The following DAZL variants were observed in gnomAD, a reference collection of about 807,000 sequenced individuals.
DAZL encodes deleted in azoospermia-like.
Under a neutral mutation model 45.0 loss-of-function variants are expected in DAZL, and 4 were observed. The observed-to-expected ratio is 0.09, with a 90% CI of 0.04 to 0.20. DAZL has a LOEUF of 0.20. DAZL is among the 10% of genes least tolerant of loss of function. DAZL has a pLI of 1.00. For synonymous variants in DAZL, 122 were observed against 112.4 expected, an observed-to-expected ratio of 1.09 and a Z score of -0.54; for missense variants, 326 against 351.3, an observed-to-expected ratio of 0.93 and a Z score of 0.58.
intron 10 of DAZL, among the ~76,000 whole-genome samples, chr3:16,590,171 C>G (rs1030269447): frequency 7.2e-6 from 1 of 138,586 alleles, no homozygotes; most frequent in Non-Finnish European, 1.7e-5. Flanking sequence ...GCAAAGTAAG[C>G]TGATATACAA....
At chr3:16,600,588 T>A (rs1004156686) in intron 1 of DAZL, among the ~76,000 whole-genome samples, 1 of 152,206 alleles carries the variant, frequency 6.6e-6, no homozygotes, top group Admixed American at 6.5e-5. Flanking sequence ...CTGATTAGAT[T>A]TCCCCCCTAC....
intron 10 of DAZL, among the ~76,000 whole-genome samples, chr3:16,590,194 C>T (rs1278467370): frequency 7.6e-6 from 1 of 130,908 alleles, no homozygotes; most frequent in African/African-American, 2.5e-5. Context: ...TCAGTTCCTT[C>T]TTTTCTAAAT....
intron 1 of DAZL, chr3:16,604,567 G>A (rs1694744878): frequency 3.5e-6 from 5 of 1,428,974 alleles, no homozygotes; most frequent in African/African-American, 1.5e-5. Context: ...AGCCCCCTCA[G>A]CTACAGGGCC....
In DAZL at chr3:16,598,493, T is replaced by C. The variant is rs916937865; in HGVS notation, c.109A>G (p.Ile37Val). Residue 37 changes from isoleucine to valine, a missense_variant, in exon 2 of 11, where the codon ATC becomes GTC. Around this residue, in one of 3 missense-constraint regions of DAZL, gnomAD observed 81 missense variants for 89.6 expected, o/e 0.90. Coordinates refer to ENST00000399444, the MANE Select transcript of DAZL (RefSeq NM_001351.4). The part of the protein sequence containing the change: ...SQGYILPEGK[I>V]MPNTVFVGGI... Reference sequence around the variant, plus strand: ...CCAACAAAAACAGTGTTTGGCATGATTTTGCCTTCTGGTAAAATATAGCCT... The same window carrying C: ...CCAACAAAAACAGTGTTTGGCATGACTTTGCCTTCTGGTAAAATATAGCCT... 3 of 1,609,150 alleles carry C rather than the reference T, an allele frequency of 1.9e-6. No homozygotes were observed. The highest frequency in any genetic ancestry group is 1.3e-5 in the African/African-American group (1 of 74,838).
intron 8 of DAZL, among the ~76,000 whole-genome samples, 188 bp from the exon 9 acceptor site, chr3:16,593,956 G>C (rs1401786421): frequency 2.6e-5 from 4 of 152,148 alleles, no homozygotes; most frequent in Non-Finnish European, 4.4e-5. Context: ...TTCTGTTTTA[G>C]AATGTCTTTA....
rs554691299 is a variant in DAZL at position 16,589,278 on chromosome 3, G to A, written c.835-565C>T. 3.3e-5 allele frequency among the ~76,000 whole-genome samples: 5 copies of A among 152,280 alleles called. No individual in the cohort carries two copies. In the East Asian group the frequency reaches 7.7e-4, roughly 23 times the overall value. On this transcript the variant is annotated intron_variant, in intron 10 of 10. Transcript: ENST00000399444. ...TTTTCACTCTATGTTGCCTACAGATGTGCAGAGAGAAAAAAGTGAGAGGCC... is the reference window on the plus strand; with the variant it reads ...TTTTCACTCTATGTTGCCTACAGATATGCAGAGAGAAAAAAGTGAGAGGCC...
intron 1 of DAZL, among the ~76,000 whole-genome samples, chr3:16,602,783 T>C (rs1460045142): frequency 6.6e-6 from 1 of 152,212 alleles, no homozygotes; most frequent in Non-Finnish European, 1.5e-5. Context: ...AGACATCTTA[T>C]TTTCTATCAA....
rs903172396 is a variant in DAZL at position 16,604,903 on chromosome 3, C to T, written c.3+300G>A. 3.3e-5 allele frequency: 23 copies of T among 693,584 alleles called. 1 individual carries two copies. The highest frequency in any genetic ancestry group is 2.0e-4 in the East Asian group (7 of 35,560). The allele number at this position is 693,584 out of a possible 1,614,324, so 43.0% of individuals were successfully genotyped here. On this transcript the variant is annotated intron_variant, in intron 1 of 10. Coordinates refer to ENST00000399444, the MANE Select transcript of DAZL (RefSeq NM_001351.4). ...ACCTCTGCCAGTAGAGAACCCGAAC[C>T]GGGAAATGGGTGCCTCAAGAAGGCC...
At chr3:16,595,118 T>G (rs2125045422) in intron 7 of DAZL, among the ~76,000 whole-genome samples, 196 bp downstream of exon 7, 1 of 152,218 alleles carries the variant, frequency 6.6e-6, no homozygotes, top group African/African-American at 2.4e-5. Flanking sequence ...AAGTTATTGC[T>G]AAGTATATCC....
Position 16,605,408 on chromosome 3 carries a change from G to GGAGCGCAGGCGGAC in DAZL, c.-217_-204dup, listed in dbSNP as rs1694765521. 3 of 672,330 alleles carry GGAGCGCAGGCGGAC rather than the reference G, an allele frequency of 4.5e-6. No homozygotes were observed. The highest frequency in any genetic ancestry group is 8.0e-6 in the Non-Finnish European group (3 of 376,738). 41.6% of individuals were successfully genotyped at this position (672,330 alleles called of 1,614,324 possible). A position where few individuals can be genotyped will look rare whatever the true frequency, so the allele number is the denominator to read the frequency against. ...CCCGAAAGGCGGACCGTCAGGCTGA[G>GGAGCGCAGGCGGAC]GAGCGCAGGCGGACTGAGGCGTGGT... On this transcript the variant is annotated 5_prime_UTR_variant, in exon 1 of 11. Transcript: ENST00000399444.
intron 1 of DAZL, among the ~76,000 whole-genome samples, chr3:16,601,721 G>A (rs1694692172): frequency 6.6e-6 from 1 of 152,096 alleles, no homozygotes; most frequent in African/African-American, 2.4e-5. Flanking sequence ...ACCTTCAAGT[G>A]AGTTGGTGAA....
intron 1 of DAZL, chr3:16,604,308 C>A: frequency 1.3e-6 from 1 of 786,970 alleles, no homozygotes; most frequent in South Asian, 1.9e-5. Flanking sequence ...TTACCAAACT[C>A]ACAAAAACGC....
chr3:16,600,583 T>A (rs1694675818), intron 1 of DAZL, among the ~76,000 whole-genome samples: 1 of 152,214 alleles, frequency 6.6e-6, no homozygotes, highest in South Asian at 2.1e-4. Context: ...GGAACCTGAT[T>A]AGATTTCCCC....
At chr3:16,597,119 A>G (rs1282687066) in intron 4 of DAZL, 68 bp from the exon 5 acceptor site, 1 of 1,481,684 alleles carries the variant, frequency 6.7e-7, no homozygotes, top group East Asian at 2.3e-5. Context: ...TTGGATGAAC[A>G]CCTAAAGTCT....
At chr3:16,604,765 C>G (rs1048828763) in intron 1 of DAZL, 3 of 1,355,822 alleles carry the variant, frequency 2.2e-6, no homozygotes, top group Non-Finnish European at 2.8e-6. Context: ...AGAAATGAGG[C>G]TGGCGGGGCG....
intron 1 of DAZL, among the ~76,000 whole-genome samples, chr3:16,601,437 G>C (rs1237024178): frequency 6.6e-6 from 1 of 152,184 alleles, no homozygotes; most frequent in Non-Finnish European, 1.5e-5. Context: ...TTCTCAGCCA[G>C]CAGGTGGCGC....
intron 6 of DAZL, 93 bp from the exon 7 acceptor site, chr3:16,595,478 T>C: frequency 2.7e-6 from 2 of 738,910 alleles, no homozygotes; most frequent in South Asian, 2.0e-5. Context: ...ATGAAAACTT[T>C]TAAAATATTT....
chr3:16,605,100 G>T, intron 1 of DAZL, 103 bp downstream of exon 1: 1 of 1,478,124 alleles, frequency 6.8e-7, no homozygotes, highest in Non-Finnish European at 9.5e-7. Context: ...CCCCCAAACA[G>T]GAAAGCCGAG....
chr3:16,591,986 G>A (rs1694524873), intron 10 of DAZL, 64 bp downstream of exon 10: 1 of 1,541,684 alleles, frequency 6.5e-7, no homozygotes, highest in Non-Finnish European at 9.0e-7. Context: ...ATACCACAAG[G>A]AAAACAGATA....
Sources: gnomAD v4.1 joint callset for allele counts (sites outside exome capture counted in the v4.1 genomes callset) on GRCh38, gnomAD v4.1.1 for gene constraint, gnomAD v4.1.1 regional missense constraint, MANE v1.5 for transcripts, NCBI Gene and HGNC (gene_info 2026-07-23, HGNC 2026-07-21) for gene names.